Variants in R3HDM1 observed in about 807,000 individuals in gnomAD.
R3HDM1 encodes the protein R3H domain-containing protein 1.
Under a neutral mutation model 141.1 loss-of-function variants are expected in R3HDM1, and 46 were observed. That is an observed-to-expected ratio of 0.33 (90% CI 0.26 to 0.42). The LOEUF (loss-of-function observed/expected upper bound fraction) is 0.42. R3HDM1 is among the 10% of genes least tolerant of loss of function. The pLI is 1.00. For missense variants in R3HDM1, 1,184 were observed against 1,368.3 expected (o/e 0.87, Z 2.12); for synonymous variants, 435 against 472.9 (o/e 0.92, Z 1.04).
At chr2:135,545,128 A>G (rs1325222068) in intron 1 of R3HDM1, among the ~76,000 whole-genome samples, 1 of 152,202 alleles carries the variant, frequency 6.6e-6, no homozygotes, top group Non-Finnish European at 1.5e-5. Flanking sequence ...TCCAATGGTA[A>G]TTTTAATTTT....
Position 135,709,455 on chromosome 2 carries a change from C to G in R3HDM1, c.2482C>G (p.His828Asp), listed in dbSNP as rs745549626. Residue 828 changes from histidine (H) to aspartate (D), a missense_variant, in exon 22 of 27, where the codon CAT (histidine) becomes GAT (aspartate). His to Asp is a moderately conservative substitution (Grantham distance 81). This residue lies in a region of R3HDM1 where 563 missense variants were observed against 562.0 expected (regional missense o/e 1.00). Transcript: ENST00000683871. ...TAGCTCTTCAGTAGGTTACCTGCAA[C>G]ATCCAGGATCAGAACAAGTACAATT... ...NLSSSVGYLQ[H>D]PGSEQVQFPR... The G allele has an allele frequency of 6.2e-7, 1 of 1,614,162 alleles. No individual in the cohort carries two copies.
At chr2:135,662,435 GT>G (rs2066851767) in intron 19 of R3HDM1, among the ~76,000 whole-genome samples, 1 of 152,198 alleles carries the variant, frequency 6.6e-6, no homozygotes. Flanking sequence ...GCTAGATATA[GT>G]TCATGCTTAG....
At chr2:135,559,135 A>G in intron 1 of R3HDM1, 1 of 820,916 alleles carries the variant, frequency 1.2e-6, no homozygotes, top group South Asian at 5.9e-5. Flanking sequence ...TGTCGGAGAC[A>G]GGGCCTCGCT....
chr2:135,628,502 A>G (rs954384446), intron 7 of R3HDM1, among the ~76,000 whole-genome samples: 11 of 152,256 alleles, frequency 7.2e-5, no homozygotes, highest in African/African-American at 2.7e-4. Flanking sequence ...TTTCAGTGGC[A>G]GTGCATTTCA....
chr2:135,536,111 A>G (rs779276944), intron 1 of R3HDM1, among the ~76,000 whole-genome samples: 7 of 152,000 alleles, frequency 4.6e-5, no homozygotes, highest in Non-Finnish European at 8.8e-5. Flanking sequence ...TCTTTAGGCA[A>G]GGTGTAAGGT....
chr2:135,617,463 T>A (rs2061148049), intron 5 of R3HDM1, among the ~76,000 whole-genome samples: 2 of 152,196 alleles, frequency 1.3e-5, no homozygotes, highest in South Asian at 4.1e-4. Flanking sequence ...CCAAGACTTC[T>A]TCTTGATAGG....
intron 1 of R3HDM1, among the ~76,000 whole-genome samples, chr2:135,531,989 C>T (rs1218772194): frequency 1.3e-5 from 2 of 152,186 alleles, no homozygotes; most frequent in African/African-American, 4.8e-5. Flanking sequence ...GGAAAGGTTT[C>T]CGAGTCCCTG....
rs1409298993 is a variant in R3HDM1, at chr2:135,724,603, T to C, written c.*311T>C. 1 of 231,256 alleles carries C rather than the reference T, an allele frequency of 4.3e-6. No individual in the cohort carries two copies. The highest frequency in any genetic ancestry group is 9.0e-5 in the East Asian group (1 of 11,170). 14.3% of individuals were successfully genotyped at this position (231,256 alleles called of 1,614,324 possible). On this transcript the variant is annotated 3_prime_UTR_variant, in exon 27 of 27. Transcript: ENST00000683871. ...TAAATTCTTGTATCAGATCCAAAGC[T>C]CTATTGTACAGCAAATTATTCTTCA...
intron 1 of R3HDM1, among the ~76,000 whole-genome samples, chr2:135,561,084 G>C (rs1327877151): frequency 3.9e-5 from 6 of 152,118 alleles, no homozygotes; most frequent in Non-Finnish European, 1.5e-5. Flanking sequence ...TAAGTTTTAA[G>C]GGTTAATTAT....
At chr2:135,552,945 C>T (rs1026314483) in intron 1 of R3HDM1, among the ~76,000 whole-genome samples, 26 of 151,974 alleles carry the variant, frequency 1.7e-4, no homozygotes, top group African/African-American at 6.3e-4. Flanking sequence ...GTGGCATGAT[C>T]ATAGCTCACT....
At position 135,675,381 on chromosome 2, in the gene R3HDM1, A is replaced by C. The variant is rs2069002436; in HGVS notation, c.2202A>C (p.Gly734=). Residue 734 remains glycine (G), a synonymous_variant, in exon 20 of 27, where the codon GGA becomes GGC. Transcript: ENST00000683871. ...NQQQNYQGIV[G]VQQPQSQSLV... is the part of the protein sequence containing the mutation. ...AGCAAAACTACCAAGGAATAGTTGG[A>C]GTTCAGCAACCCCAGAGTCAGAGCC... 6.2e-7 allele frequency: 1 copy of C among 1,613,902 alleles called. No individual in the cohort carries two copies.
chr2:135,558,676 G>A (rs1393754218), intron 1 of R3HDM1, among the ~76,000 whole-genome samples: 1 of 152,160 alleles, frequency 6.6e-6, no homozygotes, highest in Non-Finnish European at 1.5e-5. Context: ...CTTTGGAGCT[G>A]TAGCAGTTGA....
intron 11 of R3HDM1, 150 bp downstream of exon 11, chr2:135,636,333 TG>T (rs2063243272): frequency 2.2e-6 from 3 of 1,350,522 alleles, no homozygotes; most frequent in African/African-American, 3.0e-5. Context: ...AGATCAGTTT[TG>T]CTTGTGTTAT....
chr2:135,540,665 G>C (rs1375186904), intron 1 of R3HDM1, among the ~76,000 whole-genome samples: 1 of 152,122 alleles, frequency 6.6e-6, no homozygotes, highest in South Asian at 2.1e-4. Context: ...CAGTCCTTCT[G>C]CCTCAGCCTC....
At chr2:135,683,518 C>T (rs2070709989) in intron 21 of R3HDM1, among the ~76,000 whole-genome samples, 2 of 148,250 alleles carry the variant, frequency 1.3e-5, no homozygotes, top group Admixed American at 6.8e-5. Flanking sequence ...CATGCCACTG[C>T]ACTCCAGCCT....
chr2:135,594,975 A>ACCCCC (rs1181792080), intron 1 of R3HDM1, among the ~76,000 whole-genome samples: 1 of 131,936 alleles, frequency 7.6e-6, no homozygotes, highest in Non-Finnish European at 1.6e-5. Context: ...TAGGGATTCT[A>ACCCCC]CACCCCCCCC....
At chr2:135,632,675 A>G (rs1351488969) in intron 9 of R3HDM1, among the ~76,000 whole-genome samples, 1 of 152,174 alleles carries the variant, frequency 6.6e-6, no homozygotes, top group Non-Finnish European at 1.5e-5. Context: ...TCTTCTGCCT[A>G]TTTTTAAGGC....
In R3HDM1 at chr2:135,638,474, T is replaced by G. The variant is rs539567239; in HGVS notation, c.904-144T>G. On this transcript the variant is annotated intron_variant, in intron 11 of 26. Coordinates refer to ENST00000683871, the MANE Select transcript of R3HDM1 (RefSeq NM_001378107.1). ...AGGATCTCCAAACCAGAAAAAAAAT[T>G]CCATTATTATTTATTTGTGTACCCT... 5.5e-4 allele frequency: 427 copies of G among 778,514 alleles called. 3 individuals carry two copies. In the African/African-American group the frequency reaches 6.5e-3, roughly 12 times the overall value. The allele number at this position is 778,514 out of a possible 1,614,324, so 48.2% of individuals were successfully genotyped here.
At chr2:135,670,361 C>T (rs2068155922) in intron 19 of R3HDM1, 1 of 980,380 alleles carries the variant, frequency 1.0e-6, no homozygotes, top group Non-Finnish European at 1.2e-6. Context: ...TTTAGCTACT[C>T]AACACATGCC....
Sources: allele counts gnomAD v4.1 joint callset (sites outside exome capture counted in the v4.1 genomes callset), GRCh38; gene constraint gnomAD v4.1.1; regional missense constraint gnomAD v4.1.1; transcripts MANE v1.5; gene names NCBI Gene and HGNC (gene_info 2026-07-23, HGNC 2026-07-21).